SNX30: variants seen among roughly 807,000 people sequenced by gnomAD.
SNX30 encodes sorting nexin family member 30, also known as sorting nexin-30.
A neutral mutation model predicts 46.4 loss-of-function variants in SNX30; 24 were observed. The observed-to-expected ratio is 0.52, with a 90% CI of 0.37 to 0.73. The LOEUF is 0.73. Ranked by LOEUF, SNX30 falls within the 30% of genes least tolerant of loss-of-function variation. The pLI is 0.00. For missense variants in SNX30, 533 were observed against 555.7 expected, an observed-to-expected ratio of 0.96 and a Z score of 0.41; for synonymous variants, 189 against 211.5, an observed-to-expected ratio of 0.89 and a Z score of 0.92.
At chr9:112,788,012 G>C (rs1399225711) in intron 1 of SNX30, among the ~76,000 whole-genome samples, 1 of 151,938 alleles carries the variant, frequency 6.6e-6, no homozygotes, top group African/African-American at 2.4e-5. Context: ...TATTGATCAG[G>C]CTGGTCTTGA....
In SNX30 at chr9:112,865,661, A is replaced by ATAATGTGTG; in HGVS notation, c.1254+1263_1254+1264insAATGTGTGT. On this transcript the variant is annotated intron_variant, in intron 8 of 8. Transcript: ENST00000374232. ...TATATATATATATATATATATATAT[A>ATAATGTGTG]TGTATGTATGTATGCACACACACAC... is the stretch of plus-strand genomic sequence containing the variant. Among the ~76,000 whole-genome samples the ATAATGTGTG allele has an allele frequency of 1.2e-3, 124 of 105,674 alleles. 4 individuals are homozygous for ATAATGTGTG. Among genetic ancestry groups the ATAATGTGTG allele is most frequent in the Middle Eastern group, 5.2e-3 (1 of 192 alleles). The allele number at this position is 105,674 out of a possible 152,430, so 69.3% of individuals were successfully genotyped here. A position where few individuals can be genotyped will look rare whatever the true frequency, so the allele number is the denominator to read the frequency against.
intron 1 of SNX30, among the ~76,000 whole-genome samples, chr9:112,791,777 A>C (rs965491127): frequency 6.6e-6 from 1 of 152,202 alleles, no homozygotes; most frequent in Non-Finnish European, 1.5e-5. Flanking sequence ...GAGTGATGCC[A>C]GTAAATATTT....
chr9:112,835,304 A>C (rs891956508), intron 4 of SNX30, among the ~76,000 whole-genome samples: 1 of 152,028 alleles, frequency 6.6e-6, no homozygotes, highest in African/African-American at 2.4e-5. Flanking sequence ...TGATAGGAGG[A>C]AGCTTGTTTT....
chr9:112,778,533 AAATGCTGGGATT>A (rs1839787488), intron 1 of SNX30, among the ~76,000 whole-genome samples: 1 of 152,096 alleles, frequency 6.6e-6, no homozygotes. Flanking sequence ...CGGCCTCCCA[AAATGCTGGGATT>A]ATAGGCGTGA....
chr9:112,784,130 A>T (rs1474614086), intron 1 of SNX30, among the ~76,000 whole-genome samples: 2 of 152,150 alleles, frequency 1.3e-5, no homozygotes, highest in Non-Finnish European at 2.9e-5. Flanking sequence ...GGAAACATTC[A>T]TCAGGGTATC....
At chr9:112,820,271 T>A (rs1336052313) in intron 3 of SNX30, among the ~76,000 whole-genome samples, 1 of 18,296 alleles carries the variant, frequency 5.5e-5, no homozygotes, top group Non-Finnish European at 8.9e-5. Context: ...ATATCTGGAG[T>A]GGAGATTTAA....
chr9:112,883,103 G>C (rs1476873373), downstream of SNX30, among the ~76,000 whole-genome samples: 1 of 152,222 alleles, frequency 6.6e-6, no homozygotes, highest in African/African-American at 2.4e-5. Context: ...AGTGGCTTTA[G>C]TGAGAGCAGC....
At chr9:112,785,902 A>G (rs113820186) in intron 1 of SNX30, among the ~76,000 whole-genome samples, 6 of 152,164 alleles carry the variant, frequency 3.9e-5, no homozygotes, top group East Asian at 1.9e-4. Context: ...CCCTTAATCT[A>G]TCAGCACCCT....
chr9:112,865,661 A>ATATATATATGTGTGTG lies in SNX30; in HGVS notation c.1254+1263_1254+1264insATATATATGTGTGTGT. ...TATATATATATATATATATATATATATGTATGTATGTATGCACACACACAC... is the reference window on the plus strand; with the variant it reads ...TATATATATATATATATATATATATATATATATATGTGTGTGTGTATGTATGTATGCACACACACAC... On this transcript the variant is annotated intron_variant, in intron 8 of 8. Coordinates refer to ENST00000374232, the MANE Select transcript of SNX30 (RefSeq NM_001012994.2). 1.3e-4 allele frequency among the ~76,000 whole-genome samples: 14 copies of ATATATATATGTGTGTG among 105,686 alleles called. 2 individuals are homozygous for ATATATATATGTGTGTG. Among genetic ancestry groups the ATATATATATGTGTGTG allele is most frequent in the African/African-American group, 4.9e-4 (13 of 26,348 alleles). The allele number at this position is 105,686 out of a possible 152,430, so 69.3% of individuals were successfully genotyped here. A position where few individuals can be genotyped will look rare whatever the true frequency, so the allele number is the denominator to read the frequency against.
intron 5 of SNX30, among the ~76,000 whole-genome samples, chr9:112,837,510 C>G (rs1378904779): frequency 1.3e-5 from 2 of 151,868 alleles, no homozygotes; most frequent in African/African-American, 4.8e-5. Flanking sequence ...GAGTCTTGCT[C>G]TGTCGCCCAG....
chr9:112,768,653 T>C (rs2935474), intron 1 of SNX30, among the ~76,000 whole-genome samples: 7,100 of 79,482 alleles, frequency 0.089, 1,085 homozygotes, highest in African/African-American at 0.23. Context: ...TCTTCTTTTT[T>C]TTTTTTTTTT....
intron 7 of SNX30, among the ~76,000 whole-genome samples, chr9:112,855,926 C>G (rs1841119342): frequency 1.3e-5 from 2 of 152,152 alleles, no homozygotes; most frequent in South Asian, 4.1e-4. Flanking sequence ...GGCATCAGAG[C>G]TCTTACAGAA....
intron 6 of SNX30, among the ~76,000 whole-genome samples, chr9:112,849,225 A>G (rs772725371): frequency 6.6e-6 from 1 of 152,134 alleles, no homozygotes; most frequent in Non-Finnish European, 1.5e-5. Flanking sequence ...AGACCAATAG[A>G]TTTAGATTAT....
At position 112,859,141 on chromosome 9, in the gene SNX30, CTT is replaced by C. The variant is rs150832036; in HGVS notation, c.1102-5104_1102-5103del. Among the ~76,000 whole-genome samples the C allele has an allele frequency of 3.0e-3, 462 of 152,238 alleles. 3 individuals are homozygous for C. The highest frequency in any genetic ancestry group is 0.011 in the African/African-American group (440 of 41,544). On this transcript the variant is annotated intron_variant, in intron 7 of 8. Transcript: ENST00000374232. ...CCTGTTCTACTTTCTGTCTCTATGA[CTT>C]TGACCATTCTAGATACCTCGTATCT...
intron 7 of SNX30, among the ~76,000 whole-genome samples, chr9:112,862,717 C>T (rs955910236): frequency 6.6e-6 from 1 of 151,918 alleles, no homozygotes; most frequent in African/African-American, 2.4e-5. Context: ...GCCTGGACAA[C>T]ATAGCGCCAC....
intron 7 of SNX30, among the ~76,000 whole-genome samples, chr9:112,856,349 G>T (rs1418938883): frequency 2.7e-5 from 4 of 150,298 alleles, no homozygotes. Context: ...TGTGTGGTGT[G>T]TGTATGGGGA....
intron 3 of SNX30, among the ~76,000 whole-genome samples, chr9:112,825,829 A>G (rs895352278): frequency 1.3e-5 from 2 of 152,178 alleles, no homozygotes; most frequent in East Asian, 3.9e-4. Context: ...TCCTATGTGT[A>G]AACAACCCAG....
intron 2 of SNX30, among the ~76,000 whole-genome samples, chr9:112,816,838 A>T (rs1840404240): frequency 6.6e-6 from 1 of 152,224 alleles, no homozygotes; most frequent in Admixed American, 6.5e-5. Flanking sequence ...TCATAGGGAA[A>T]AATGGCTTAT....
intron 6 of SNX30, among the ~76,000 whole-genome samples, chr9:112,840,141 T>G (rs1386961593): frequency 6.6e-6 from 1 of 152,206 alleles, no homozygotes; most frequent in Non-Finnish European, 1.5e-5. Flanking sequence ...TAAAACACTT[T>G]CCAAGCCAGG....
Sources: allele counts gnomAD v4.1 joint callset (sites outside exome capture counted in the v4.1 genomes callset), GRCh38; gene constraint gnomAD v4.1.1; transcripts MANE v1.5; gene names NCBI Gene and HGNC (gene_info 2026-07-23, HGNC 2026-07-21).